Variants in LURAP1L observed in about 807,000 individuals in gnomAD.
The protein encoded by LURAP1L is leucine rich adaptor protein 1 like.
Under a neutral mutation model 13.8 loss-of-function variants are expected in LURAP1L, and 12 were observed. The observed-to-expected ratio is 0.87, with a 90% CI of 0.56 to 1.41. LURAP1L has a LOEUF of 1.41. LURAP1L is among the 40% of genes most tolerant of loss of function. The probability of loss-of-function intolerance (pLI) is 0.00; values close to 1 mark genes in which losing one functional copy is unlikely to be tolerated. For missense variants in LURAP1L, 375 were observed against 292.9 expected, an observed-to-expected ratio of 1.28 and a Z score of -2.04; for synonymous variants, 139 against 119.2, an observed-to-expected ratio of 1.17 and a Z score of -1.08.
chr9:12,783,914 T>C (rs967689818), intron 1 of LURAP1L, among the ~76,000 whole-genome samples: 15 of 151,918 alleles, frequency 9.9e-5, no homozygotes, highest in Non-Finnish European at 1.6e-4. Flanking sequence ...TCAATTAGCA[T>C]GTCTTCAAGC....
intron 1 of LURAP1L, among the ~76,000 whole-genome samples, chr9:12,806,229 G>A (rs1360303635): frequency 6.6e-6 from 1 of 152,130 alleles, no homozygotes; most frequent in Non-Finnish European, 1.5e-5. Context: ...CAGCAAGATG[G>A]TACAGCTGGT....
chr9:12,808,412 A>C (rs1412963756), intron 1 of LURAP1L, among the ~76,000 whole-genome samples: 2 of 152,102 alleles, frequency 1.3e-5, no homozygotes, highest in East Asian at 1.9e-4. Context: ...GTACATTCAC[A>C]TTGTTGTACC....
chr9:12,821,265 C>G (rs1819876556), intron 1 of LURAP1L, 121 bp from the exon 2 acceptor site: 2 of 1,155,674 alleles, frequency 1.7e-6, no homozygotes, highest in South Asian at 1.5e-5. Flanking sequence ...ACAACCAGTC[C>G]ACTTATATTT....
At position 12,792,645 on chromosome 9, in the gene LURAP1L, T is replaced by C. The variant is rs908033801; in HGVS notation, c.312+16618T>C. On this transcript the variant is annotated intron_variant, in intron 1 of 1. Coordinates refer to ENST00000319264, the MANE Select transcript of LURAP1L (RefSeq NM_203403.2). ...TCAAACTATGCTATCACTATTATCA[T>C]AAACGACATTAGATTTACTTTTTTA... Among the ~76,000 whole-genome samples the C allele has an allele frequency of 2.8e-4, 43 of 152,100 alleles. 1 individual carries two copies. The highest frequency in any genetic ancestry group is 1.0e-4 in the Non-Finnish European group (7 of 67,968).
chr9:12,807,956 C>G (rs983639532), intron 1 of LURAP1L, among the ~76,000 whole-genome samples: 3 of 151,802 alleles, frequency 2.0e-5, no homozygotes, highest in Non-Finnish European at 4.4e-5. Context: ...AATATTATAC[C>G]ACATCATGGT....
chr9:12,815,356 T>G (rs1011422120), intron 1 of LURAP1L, among the ~76,000 whole-genome samples: 28 of 152,162 alleles, frequency 1.8e-4, no homozygotes, highest in African/African-American at 6.8e-4. Flanking sequence ...CTTTTAAAAA[T>G]ATATTCTAAA....
chr9:12,776,136 C>A, intron 1 of LURAP1L, 109 bp downstream of exon 1: 3 of 1,143,566 alleles, frequency 2.6e-6, no homozygotes, highest in Non-Finnish European at 2.5e-6. Context: ...CAGAGCGGAG[C>A]GCTGGGCGCG....
At chr9:12,779,931 A>G (rs1426757113) in intron 1 of LURAP1L, among the ~76,000 whole-genome samples, 1 of 152,172 alleles carries the variant, frequency 6.6e-6, no homozygotes, top group Non-Finnish European at 1.5e-5. Context: ...AGCAATCATA[A>G]TCATACCCTT....
chr9:12,781,159 T>A (rs535682367), intron 1 of LURAP1L, among the ~76,000 whole-genome samples: 3 of 152,166 alleles, frequency 2.0e-5, no homozygotes, highest in South Asian at 4.2e-4. Context: ...TTAGTAGAGA[T>A]GGGGTTTCTC....
chr9:12,816,414 C>T lies in LURAP1L; in HGVS notation c.313-4972C>T, dbSNP rs2118548677. Among the ~76,000 whole-genome samples the T allele has an allele frequency of 1.3e-5, 2 of 152,260 alleles. 1 individual carries two copies. Among genetic ancestry groups the T allele is most frequent in the South Asian group, 4.1e-4 (2 of 4,820 alleles). On this transcript the variant is annotated intron_variant, in intron 1 of 1. Coordinates refer to ENST00000319264, the MANE Select transcript of LURAP1L (RefSeq NM_203403.2). Reference sequence around the variant, plus strand: ...GAAACTGAGGTCCTGTATGCCAAGCCACTTTCCCCAAAGGTCAAATAGGAA... The same window carrying T: ...GAAACTGAGGTCCTGTATGCCAAGCTACTTTCCCCAAAGGTCAAATAGGAA...
In LURAP1L at chr9:12,775,535, C is replaced by T; in HGVS notation, c.-181C>T. 2.1e-6 allele frequency: 2 copies of T among 940,876 alleles called. No homozygotes were observed. Among genetic ancestry groups the T allele is most frequent in the South Asian group, 2.2e-5 (1 of 45,078 alleles). The allele number at this position is 940,876 out of a possible 1,614,324, so 58.3% of individuals were successfully genotyped here. ...GAACTGCAGCTGCGACCCCCCGCGT[C>T]CTGTGCGGATTTCAGGGCTGATACC... is the stretch of plus-strand genomic sequence containing the variant. On this transcript the variant is annotated 5_prime_UTR_variant, in exon 1 of 2. Transcript: ENST00000319264.
intron 1 of LURAP1L, among the ~76,000 whole-genome samples, chr9:12,779,156 T>C (rs1020881479): frequency 1.6e-4 from 24 of 152,060 alleles, no homozygotes; most frequent in African/African-American, 5.8e-4. Flanking sequence ...AGCAAAGCCA[T>C]AGATAAGGGT....
chr9:12,796,228 C>T (rs1039024043), intron 1 of LURAP1L, among the ~76,000 whole-genome samples: 3 of 151,676 alleles, frequency 2.0e-5, no homozygotes, highest in Non-Finnish European at 2.9e-5. Context: ...TCTGTTGAAA[C>T]GTAATGTACA....
chr9:12,778,244 T>G (rs1819218914), intron 1 of LURAP1L, among the ~76,000 whole-genome samples: 1 of 152,048 alleles, frequency 6.6e-6, no homozygotes, highest in African/African-American at 2.4e-5. Flanking sequence ...GGGCTGCCTG[T>G]CTAGGGAGAC....
intron 1 of LURAP1L, among the ~76,000 whole-genome samples, chr9:12,776,497 A>C (rs1466465284): frequency 6.6e-6 from 1 of 152,010 alleles, no homozygotes; most frequent in Non-Finnish European, 1.5e-5. Flanking sequence ...GGGTCCTTGC[A>C]GCCTTTCCTC....
rs1264008029 is a variant in LURAP1L at position 12,821,783 on chromosome 9, G to A, written c.*23G>A. 1.3e-6 allele frequency: 2 copies of A among 1,593,098 alleles called. No individual in the cohort carries two copies. The highest frequency in any genetic ancestry group is 1.7e-6 in the Non-Finnish European group (2 of 1,165,794). ...TAGTGACAGTTTTTTGCATGGGACT[G>A]GTGTGCAATGAACTTGTATTTATCC... On this transcript the variant is annotated 3_prime_UTR_variant, in exon 2 of 2. Coordinates refer to ENST00000319264, the MANE Select transcript of LURAP1L (RefSeq NM_203403.2).
chr9:12,791,065 T>C (rs1819434443), intron 1 of LURAP1L, among the ~76,000 whole-genome samples: 1 of 152,102 alleles, frequency 6.6e-6, no homozygotes. Flanking sequence ...CTGATTGAAA[T>C]GTGACTTGGG....
intron 1 of LURAP1L, among the ~76,000 whole-genome samples, chr9:12,794,528 A>G (rs1819486988): frequency 6.6e-6 from 1 of 152,096 alleles, no homozygotes; most frequent in South Asian, 2.1e-4. Context: ...TATGCTGAGA[A>G]TGTCAGATTG....
intron 1 of LURAP1L, among the ~76,000 whole-genome samples, chr9:12,812,001 G>T (rs1819743148): frequency 6.6e-6 from 1 of 152,164 alleles, no homozygotes; most frequent in Admixed American, 6.5e-5. Context: ...AGAGATCTCA[G>T]TTCCTTACTT....
Sources: allele counts gnomAD v4.1 joint callset (sites outside exome capture counted in the v4.1 genomes callset), GRCh38; gene constraint gnomAD v4.1.1; transcripts MANE v1.5; gene names NCBI Gene and HGNC (gene_info 2026-07-23, HGNC 2026-07-21).